The following SPTBN1 variants were observed in gnomAD, a reference collection of about 807,000 sequenced individuals.
SPTBN1 encodes spectrin beta, non-erythrocytic 1.
In SPTBN1, 32 loss-of-function variants were observed where a neutral mutation model predicts 266.4. The ratio of observed to expected loss-of-function variants is 0.12; its 90% CI spans 0.09 to 0.16. SPTBN1 has a LOEUF of 0.16. SPTBN1 is among the 10% of genes least tolerant of loss of function. The pLI is 1.00. For synonymous variants in SPTBN1, 1,336 were observed against 1,162.2 expected, an observed-to-expected ratio of 1.15 and a Z score of -3.04; for missense variants, 2,296 against 3,067.1, an observed-to-expected ratio of 0.75 and a Z score of 5.94.
chr2:54,647,185 G>A lies in SPTBN1; in HGVS notation c.4921G>A (p.Val1641Met), dbSNP rs1200824537. Residue 1641 changes from valine (V) to methionine (M), a missense_variant, in exon 24 of 36, where the codon GTG (valine) becomes ATG (methionine). By Grantham distance (21) the Val-to-Met change is conservative (BLOSUM62 1). Transcript: ENST00000356805. ...LKKHQILEQA[V>M]EDYAETVHQL... ...GAAGCACCAGATCTTAGAACAAGCT[G>A]TGGAGGACTATGCAGAGACCGTGCA... is the stretch of plus-strand genomic sequence containing the variant. 2 of 1,614,080 alleles carry A rather than the reference G, an allele frequency of 1.2e-6. No individual in the cohort carries two copies. Among genetic ancestry groups the A allele is most frequent in the African/African-American group, 2.7e-5 (2 of 74,938 alleles).
intron 7 of SPTBN1, 93 bp from the exon 8 acceptor site, chr2:54,621,307 C>T (rs1471306847): frequency 2.4e-6 from 2 of 837,412 alleles, no homozygotes; most frequent in African/African-American, 1.7e-5. Flanking sequence ...TGAACTGTTC[C>T]ATGTTGACCA....
At chr2:54,544,025 CG>C (rs1352167362) in intron 2 of SPTBN1, among the ~76,000 whole-genome samples, 1 of 152,082 alleles carries the variant, frequency 6.6e-6, no homozygotes, top group African/African-American at 2.4e-5. Flanking sequence ...ACTAAATTCC[CG>C]GGAGGATTAT....
intron 1 of SPTBN1, among the ~76,000 whole-genome samples, chr2:54,461,254 A>G (rs1234098079): frequency 1.3e-5 from 2 of 152,254 alleles, no homozygotes; most frequent in African/African-American, 2.4e-5. Flanking sequence ...TTAAGATTCT[A>G]TTCCCAAGGT....
intron 2 of SPTBN1, among the ~76,000 whole-genome samples, chr2:54,530,178 T>C (rs1671131433): frequency 6.6e-6 from 1 of 152,076 alleles, no homozygotes; most frequent in South Asian, 2.1e-4. Context: ...GAATTCATCT[T>C]TTAATGGTGT....
intron 2 of SPTBN1, among the ~76,000 whole-genome samples, chr2:54,536,396 C>G (rs1671601892): frequency 6.6e-6 from 1 of 152,178 alleles, no homozygotes; most frequent in Non-Finnish European, 1.5e-5. Context: ...TGATACCATT[C>G]AATTTAATTT....
intron 1 of SPTBN1, among the ~76,000 whole-genome samples, chr2:54,475,257 A>C (rs1667768268): frequency 1.3e-5 from 2 of 152,212 alleles, no homozygotes; most frequent in South Asian, 4.1e-4. Context: ...TTAGTTTGTC[A>C]ATTATAAGAA....
chr2:54,484,943 G>A (rs976471447), intron 1 of SPTBN1, among the ~76,000 whole-genome samples: 1 of 151,168 alleles, frequency 6.6e-6, no homozygotes, highest in African/African-American at 2.4e-5. Flanking sequence ...CTTGAGTGTC[G>A]TGTAAAATAC....
At position 54,645,578 on chromosome 2, in the gene SPTBN1, C is replaced by A; in HGVS notation, c.4494+125C>A. 1.0e-6 allele frequency: 1 copy of A among 968,388 alleles called. No homozygotes were observed. The highest frequency in any genetic ancestry group is 1.5e-6 in the Non-Finnish European group (1 of 650,014). The allele number at this position is 968,388 out of a possible 1,614,324, so 60.0% of individuals were successfully genotyped here. ...GTTGGCAAGCTGAGCTGCCAAAGTC[C>A]ACGCTCTGGATGGTCTAAAGTTTCT... On this transcript the variant is annotated intron_variant, in intron 21 of 35. Coordinates refer to ENST00000356805, the MANE Select transcript of SPTBN1 (RefSeq NM_003128.3). This position sits in a 1 kb window ranked among gnomAD's most constrained non-coding sequence, Gnocchi z 4.3.
chr2:54,665,291 C>T (rs1490125059), intron 33 of SPTBN1, among the ~76,000 whole-genome samples: 1 of 152,180 alleles, frequency 6.6e-6, no homozygotes, highest in Non-Finnish European at 1.5e-5. Flanking sequence ...ATCAGAACAT[C>T]TAAGAACTGC....
At chr2:54,510,560 G>A (rs1378362512) in intron 1 of SPTBN1, among the ~76,000 whole-genome samples, 1 of 152,196 alleles carries the variant, frequency 6.6e-6, no homozygotes, top group Non-Finnish European at 1.5e-5. Context: ...ATTCTTCTGT[G>A]CTGCTGATTT....
intron 29 of SPTBN1, among the ~76,000 whole-genome samples, chr2:54,656,630 C>T (rs1294315976): frequency 6.6e-6 from 1 of 152,158 alleles, no homozygotes; most frequent in Non-Finnish European, 1.5e-5. Flanking sequence ...CTTTGCCATT[C>T]TCTGTTGGAG....
Position 54,626,320 on chromosome 2 carries a change from C to T in SPTBN1, c.1644+86C>T, listed in dbSNP as rs1178634464. On this transcript the variant is annotated intron_variant, in intron 12 of 35. Coordinates refer to ENST00000356805, the MANE Select transcript of SPTBN1 (RefSeq NM_003128.3). The surrounding 1 kb of genome is among the most constrained non-coding windows in gnomAD (Gnocchi z 4.7). ...GACTCATTCACTAAACCCCTACGTA[C>T]AGCTGTGTGCCTTGTCTAACTGCCC... The T allele has an allele frequency of 6.9e-7, 1 of 1,454,308 alleles. No homozygotes were observed. The highest frequency in any genetic ancestry group is 2.5e-5 in the East Asian group (1 of 40,430). The allele number at this position is 1,454,308 out of a possible 1,614,324, so 90.1% of individuals were successfully genotyped here.
chr2:54,619,735 C>A (rs1677867095), intron 7 of SPTBN1, among the ~76,000 whole-genome samples: 1 of 152,128 alleles, frequency 6.6e-6, no homozygotes, highest in Non-Finnish European at 1.5e-5. Context: ...TCCTCCAGTT[C>A]ACTCTCCTTT....
intron 3 of SPTBN1, among the ~76,000 whole-genome samples, chr2:54,604,132 G>A (rs149723653): frequency 1.3e-4 from 20 of 152,218 alleles, no homozygotes; most frequent in Middle Eastern, 3.4e-3. Flanking sequence ...CTCAGTGCCC[G>A]GGGCTGTGCT....
chr2:54,646,106 C>G lies in SPTBN1; in HGVS notation c.4585-88C>G, dbSNP rs1679909735. ...AATGGCAGAGAGCTTTGAAGCCTTGCTATTTCTTTCTGGCCCTAACAGCTT... is the reference window on the plus strand; with the variant it reads ...AATGGCAGAGAGCTTTGAAGCCTTGGTATTTCTTTCTGGCCCTAACAGCTT... On this transcript the variant is annotated intron_variant, in intron 22 of 35. Transcript: ENST00000356805. This position sits in a 1 kb window ranked among gnomAD's most constrained non-coding sequence, Gnocchi z 4.4. The G allele has an allele frequency of 1.2e-6, 2 of 1,603,940 alleles. No individual in the cohort carries two copies. The highest frequency in any genetic ancestry group is 1.7e-6 in the Non-Finnish European group (2 of 1,174,122).
rs1237924433 is a variant in SPTBN1 at position 54,653,459 on chromosome 2, C to T, written c.5578-150C>T. 3.9e-6 allele frequency: 5 copies of T among 1,267,856 alleles called. No individual in the cohort carries two copies. The highest frequency in any genetic ancestry group is 4.3e-6 in the Non-Finnish European group (4 of 939,328). The allele number at this position is 1,267,856 out of a possible 1,614,324, so 78.5% of individuals were successfully genotyped here. A position where few individuals can be genotyped will look rare whatever the true frequency, so the allele number is the denominator to read the frequency against. On this transcript the variant is annotated intron_variant, in intron 26 of 35. Transcript: ENST00000356805. This position sits in a 1 kb window ranked among gnomAD's most constrained non-coding sequence, Gnocchi z 5.1. ...AACGGGTTTTTGTGACTTGGATCTC[C>T]CCAGTGAAATTGAGGGCTCCTTAAG...
rs151275115 is a variant in SPTBN1 at position 54,516,628 on chromosome 2, T to C, written c.-47-9744T>C. ...AAATGGATTATGCTTGCCGACTAAG[T>C]GACAGAGGCTCTTGGGTTAGATTGA... On this transcript the variant is annotated intron_variant, in intron 1 of 35. Coordinates refer to ENST00000356805, the MANE Select transcript of SPTBN1 (RefSeq NM_003128.3). Among the ~76,000 whole-genome samples the C allele has an allele frequency of 2.7e-3, 408 of 152,254 alleles. 2 individuals are homozygous for C. The highest frequency in any genetic ancestry group is 5.2e-3 in the Non-Finnish European group (354 of 68,014).
intron 2 of SPTBN1, among the ~76,000 whole-genome samples, chr2:54,565,929 A>G (rs1673628805): frequency 2.0e-5 from 3 of 152,258 alleles, no homozygotes; most frequent in Non-Finnish European, 2.9e-5. Flanking sequence ...CAATTCAAGT[A>G]AGGACTTCAG....
chr2:54,490,208 A>G (rs1384650939), intron 1 of SPTBN1, among the ~76,000 whole-genome samples: 1 of 150,980 alleles, frequency 6.6e-6, no homozygotes, highest in African/African-American at 2.4e-5. Flanking sequence ...AGTAGCTGGG[A>G]TTACAGCTGC....
Sources: allele counts gnomAD v4.1 joint callset (sites outside exome capture counted in the v4.1 genomes callset), GRCh38; gene constraint gnomAD v4.1.1; non-coding constraint Gnocchi (gnomAD v3.1); transcripts MANE v1.5; gene names NCBI Gene and HGNC (gene_info 2026-07-23, HGNC 2026-07-21).